The following FOXP2 variants were observed in gnomAD, a reference collection of about 807,000 sequenced individuals.
FOXP2 encodes forkhead box P2, also known as forkhead box protein P2.
A neutral mutation model predicts 115.8 loss-of-function variants in FOXP2; 12 were observed. The ratio of observed to expected loss-of-function variants is 0.10; its 90% CI spans 0.07 to 0.17. FOXP2 has a LOEUF of 0.17. Among genes scored for constraint, FOXP2 ranks in the 10% least tolerant of loss-of-function variants. The pLI, the probability that FOXP2 is intolerant of heterozygous loss-of-function variation, is 1.00. For missense variants in FOXP2, 629 were observed against 843.5 expected (o/e 0.75, Z 3.15); for synonymous variants, 328 against 297.7 (o/e 1.10, Z -1.05).
chr7:114,653,605 TAA>T, intron 9 of FOXP2: 1 of 370,854 alleles, frequency 2.7e-6, no homozygotes, highest in Non-Finnish European at 5.2e-6. Context: ...CACAGGACTT[TAA>T]AGAGACACCA....
At chr7:114,656,807 T>C (rs568337070) in intron 10 of FOXP2, among the ~76,000 whole-genome samples, 1 of 152,128 alleles carries the variant, frequency 6.6e-6, no homozygotes, top group African/African-American at 2.4e-5. Flanking sequence ...CAAATCTCTC[T>C]ACTGACTAAA....
At chr7:114,469,031 T>G (rs1795930552) in intron 2 of FOXP2, among the ~76,000 whole-genome samples, 1 of 152,168 alleles carries the variant, frequency 6.6e-6, no homozygotes, top group Admixed American at 6.6e-5. Flanking sequence ...AAATGACTCA[T>G]TTTCTTTACA....
chr7:114,495,280 C>A (rs1245225095), intron 2 of FOXP2, among the ~76,000 whole-genome samples: 1 of 152,046 alleles, frequency 6.6e-6, no homozygotes, highest in African/African-American at 2.4e-5. Context: ...TGCTTCATTG[C>A]AATTGCAAGG....
Position 114,339,663 on chromosome 7 carries a change from G to A in FOXP2, c.-11+51554G>A, listed in dbSNP as rs549287998. Among the ~76,000 whole-genome samples the A allele has an allele frequency of 5.3e-5, 8 of 150,926 alleles. No individual in the cohort carries two copies. The East Asian group carries it at 5.8e-4, about 11-fold the overall frequency. The stretch of plus-strand genomic sequence containing the variant: ...TGATTCTCCAGTATCAAATCCTTGC[G>A]TTGGTATAGGACATGTTATAACTTT... On this transcript the variant is annotated intron_variant, in intron 2 of 17. Coordinates refer to the FOXP2 transcript ENST00000634411.
At chr7:114,189,843 T>G (rs1793710658) in intron 1 of FOXP2, among the ~76,000 whole-genome samples, 1 of 152,186 alleles carries the variant, frequency 6.6e-6, no homozygotes, top group African/African-American at 2.4e-5. Flanking sequence ...CATTTCACTT[T>G]TGGCTCAACA....
intron 10 of FOXP2, among the ~76,000 whole-genome samples, chr7:114,654,997 C>A (rs1806493036): frequency 6.6e-6 from 1 of 152,036 alleles, no homozygotes; most frequent in Non-Finnish European, 1.5e-5. Flanking sequence ...GCTATTTCTG[C>A]TTTTCCTTTG....
intron 1 of FOXP2, among the ~76,000 whole-genome samples, chr7:114,248,180 C>T (rs1202543547): frequency 6.9e-6 from 1 of 145,966 alleles, no homozygotes; most frequent in East Asian, 2.1e-4. Context: ...AGCTTAAAAA[C>T]AGAGAGAGAG....
intron 2 of FOXP2, among the ~76,000 whole-genome samples, chr7:114,361,821 A>AT (rs1044394852): frequency 1.3e-5 from 2 of 152,026 alleles, no homozygotes; most frequent in African/African-American, 2.4e-5. Context: ...TATGGAATGC[A>AT]TTTTTTCCCC....
intron 2 of FOXP2, among the ~76,000 whole-genome samples, chr7:114,345,899 A>G (rs1302360971): frequency 6.6e-6 from 1 of 151,780 alleles, no homozygotes; most frequent in Non-Finnish European, 1.5e-5. Context: ...AAGATGAGTA[A>G]TATACTTATT....
intron 3 of FOXP2, among the ~76,000 whole-genome samples, chr7:114,610,538 T>C (rs2129317796): frequency 6.6e-6 from 1 of 152,302 alleles, no homozygotes. Context: ...ATTGAAACCA[T>C]TTGTAAAGGA....
chr7:114,107,062 G>C (rs905731045), intron 1 of FOXP2, among the ~76,000 whole-genome samples: 1 of 151,888 alleles, frequency 6.6e-6, no homozygotes, highest in African/African-American at 2.4e-5. Context: ...TTAGATAAAT[G>C]ATTTCTATGT....
At position 114,313,103 on chromosome 7, in the gene FOXP2, T is replaced by G. The variant is rs1797185545; in HGVS notation, c.-11+24994T>G. The stretch of plus-strand genomic sequence containing the variant: ...GGTGCAATCACATAGAGTCCAGAAA[T>G]TCTCTGAAAATAAGGAAAGTTTCTA... On this transcript the variant is annotated intron_variant, in intron 2 of 17. Transcript: ENST00000634411. Among the ~76,000 whole-genome samples, 2 of 152,182 alleles carry G rather than the reference T, an allele frequency of 1.3e-5. 1 individual carries two copies. The highest frequency in any genetic ancestry group is 4.1e-4 in the South Asian group (2 of 4,832).
intron 1 of FOXP2, among the ~76,000 whole-genome samples, chr7:114,252,603 A>G (rs1379185776): frequency 2.0e-5 from 3 of 152,118 alleles, no homozygotes; most frequent in African/African-American, 7.2e-5. Flanking sequence ...GCATTCTCTG[A>G]TGTTAGTTTG....
At chr7:114,394,231 A>T (rs1314480595) in intron 2 of FOXP2, among the ~76,000 whole-genome samples, 1 of 152,166 alleles carries the variant, frequency 6.6e-6, no homozygotes, top group Non-Finnish European at 1.5e-5. Flanking sequence ...TTAAGGAATG[A>T]TGGGAATATG....
At chr7:114,301,924 T>C (rs983215205) in intron 2 of FOXP2, among the ~76,000 whole-genome samples, 1 of 152,114 alleles carries the variant, frequency 6.6e-6, no homozygotes, top group Non-Finnish European at 1.5e-5. Context: ...TTGAAGGTAA[T>C]TAAAATGGTA....
intron 3 of FOXP2, among the ~76,000 whole-genome samples, chr7:114,571,090 A>G (rs944423566): frequency 6.6e-6 from 1 of 151,990 alleles, no homozygotes; most frequent in Non-Finnish European, 1.5e-5. Context: ...CACTAGATAT[A>G]CATTTCACAG....
chr7:114,659,809 T>G lies in FOXP2; in HGVS notation c.1647+136T>G, dbSNP rs532672228. On this transcript the variant is annotated intron_variant, in intron 13 of 16. Transcript: ENST00000350908. The stretch of plus-strand genomic sequence containing the variant: ...TAACCTGCCTCTTGAATGGAATGAA[T>G]TCCCTCTCTCAAAATGACAAGTGAA... The G allele has an allele frequency of 1.4e-4, 103 of 729,240 alleles. 2 individuals are homozygous for G. The highest frequency in any genetic ancestry group is 2.3e-4 in the Non-Finnish European group (92 of 408,370). The allele number at this position is 729,240 out of a possible 1,614,324, so 45.2% of individuals were successfully genotyped here.
chr7:114,377,366 T>C (rs1453167939), intron 2 of FOXP2, among the ~76,000 whole-genome samples: 1 of 152,132 alleles, frequency 6.6e-6, no homozygotes, highest in Non-Finnish European at 1.5e-5. Context: ...TTAGCAGACA[T>C]TGCCAACTCC....
chr7:114,301,391 C>G (rs1215096978), intron 2 of FOXP2, among the ~76,000 whole-genome samples: 1 of 152,036 alleles, frequency 6.6e-6, no homozygotes, highest in East Asian at 1.9e-4. Flanking sequence ...AATGGCATTC[C>G]TCATTATTGT....
Sources: gnomAD v4.1 joint callset for allele counts (sites outside exome capture counted in the v4.1 genomes callset) on GRCh38, gnomAD v4.1.1 for gene constraint, MANE v1.5 for transcripts, NCBI Gene and HGNC (gene_info 2026-07-23, HGNC 2026-07-21) for gene names.